The following CACNG2 variants were observed in gnomAD, a reference collection of about 807,000 sequenced individuals.
CACNG2 encodes the protein voltage-dependent calcium channel gamma-2 subunit.
A neutral mutation model predicts 25.9 loss-of-function variants in CACNG2; 3 were observed. The ratio of observed to expected loss-of-function variants is 0.12; its 90% CI spans 0.05 to 0.30. The LOEUF is 0.30. CACNG2 is among the 10% of genes least tolerant of loss of function. CACNG2 has a pLI of 1.00. For missense variants in CACNG2, 341 were observed against 432.5 expected (o/e 0.79, Z 1.88); for synonymous variants, 167 against 173.3 (o/e 0.96, Z 0.29).
intron 2 of CACNG2, among the ~76,000 whole-genome samples, chr22:36,575,991 C>T (rs1935305964): frequency 1.3e-5 from 2 of 152,238 alleles, no homozygotes; most frequent in Admixed American, 1.3e-4. Context: ...GTCTCTTGGG[C>T]ATCTCTTCCC....
At chr22:36,691,292 C>T (rs1047702349) in intron 1 of CACNG2, among the ~76,000 whole-genome samples, 1 of 77,922 alleles carries the variant, frequency 1.3e-5, no homozygotes, top group African/African-American at 4.5e-5. Context: ...GGGAAAGGGG[C>T]CTTTGGGCAG....
rs750787949 is a variant in CACNG2, at chr22:36,562,489, A to G, written c.*1862T>C. 19 of 150,896 alleles carry G rather than the reference A, an allele frequency of 1.3e-4. No homozygotes were observed. Among genetic ancestry groups the G allele is most frequent in the Non-Finnish European group, 2.5e-4 (17 of 67,720 alleles). 9.3% of individuals were successfully genotyped at this position (150,896 alleles called of 1,614,324 possible). A position where few individuals can be genotyped will look rare whatever the true frequency, so the allele number is the denominator to read the frequency against. On this transcript the variant is annotated 3_prime_UTR_variant, in exon 4 of 4. Coordinates refer to ENST00000300105, the MANE Select transcript of CACNG2 (RefSeq NM_006078.5). ...GAGTGGTGTGTGTGTGTGTGTGGGT[A>G]TGTGTGCGTGTGTGGGTATGTGTGC...
chr22:36,621,455 A>G (rs1936103617), intron 1 of CACNG2, among the ~76,000 whole-genome samples: 1 of 152,098 alleles, frequency 6.6e-6, no homozygotes, highest in South Asian at 2.1e-4. Context: ...CTATAAACTC[A>G]GCTACTCGGG....
intron 1 of CACNG2, among the ~76,000 whole-genome samples, chr22:36,672,422 T>C (rs1041012859): frequency 1.3e-5 from 2 of 152,262 alleles, no homozygotes; most frequent in South Asian, 2.1e-4. Flanking sequence ...CCTCCCAGTG[T>C]TGGGATTACA....
chr22:36,651,289 T>G (rs557223632), intron 1 of CACNG2, among the ~76,000 whole-genome samples: 6 of 143,494 alleles, frequency 4.2e-5, no homozygotes, highest in African/African-American at 1.5e-4. Flanking sequence ...AGTGTAGTGA[T>G]GCAATCTCGG....
intron 1 of CACNG2, among the ~76,000 whole-genome samples, chr22:36,646,879 T>C (rs1936533150): frequency 6.6e-6 from 1 of 152,186 alleles, no homozygotes; most frequent in African/African-American, 2.4e-5. Flanking sequence ...ATGAGCTAGG[T>C]CCTGCTCACT....
chr22:36,574,493 G>A (rs1484136782), intron 2 of CACNG2, among the ~76,000 whole-genome samples: 1 of 152,114 alleles, frequency 6.6e-6, no homozygotes, highest in African/African-American at 2.4e-5. Context: ...AGAGAGTAGG[G>A]GAGGAGCCTG....
intron 1 of CACNG2, among the ~76,000 whole-genome samples, chr22:36,616,755 A>G (rs1030676993): frequency 6.6e-6 from 1 of 152,128 alleles, no homozygotes; most frequent in Admixed American, 6.5e-5. Context: ...CTCAGGACCT[A>G]TTTGAGTCTT....
chr22:36,701,760 C>T (rs2146023810), intron 1 of CACNG2, among the ~76,000 whole-genome samples: 1 of 152,278 alleles, frequency 6.6e-6, no homozygotes, highest in East Asian at 1.9e-4. Flanking sequence ...CAGCCAGCCA[C>T]CTCGAGTGAT....
intron 1 of CACNG2, among the ~76,000 whole-genome samples, chr22:36,656,627 C>T (rs534930732): frequency 6.6e-6 from 1 of 152,182 alleles, no homozygotes; most frequent in African/African-American, 2.4e-5. Context: ...ACAGCTCCCA[C>T]GACGCTCAGA....
At chr22:36,694,275 CT>C (rs1937304557) in intron 1 of CACNG2, among the ~76,000 whole-genome samples, 1 of 152,156 alleles carries the variant, frequency 6.6e-6, no homozygotes, top group African/African-American at 2.4e-5. Context: ...ATTTGTCCCC[CT>C]CTCCCCTGAA....
intron 1 of CACNG2, among the ~76,000 whole-genome samples, chr22:36,641,576 C>G (rs1936443290): frequency 6.6e-6 from 1 of 152,332 alleles, no homozygotes; most frequent in Admixed American, 6.5e-5. Flanking sequence ...TGGAGGAAGG[C>G]AAGCCAGGGG....
intron 1 of CACNG2, among the ~76,000 whole-genome samples, chr22:36,660,601 G>A (rs187564738): frequency 6.6e-6 from 1 of 152,228 alleles, no homozygotes; most frequent in African/African-American, 2.4e-5. Flanking sequence ...CAGTGTGGTG[G>A]CCTTCCTTCC....
intron 2 of CACNG2, among the ~76,000 whole-genome samples, chr22:36,583,840 C>A (rs1036423380): frequency 6.6e-6 from 1 of 152,162 alleles, no homozygotes; most frequent in Non-Finnish European, 1.5e-5. Context: ...CTGAGGTCTC[C>A]CCCTGGTCCC....
At chr22:36,667,318 A>T (rs565634877) in intron 1 of CACNG2, among the ~76,000 whole-genome samples, 27 of 152,198 alleles carry the variant, frequency 1.8e-4, no homozygotes, top group South Asian at 6.2e-4. Flanking sequence ...TCCACCCTGG[A>T]ACTCACCACT....
intron 1 of CACNG2, among the ~76,000 whole-genome samples, chr22:36,658,654 C>T (rs557767299): frequency 6.6e-6 from 1 of 152,192 alleles, no homozygotes; most frequent in Non-Finnish European, 1.5e-5. Flanking sequence ...AGCCCTTGCC[C>T]AGGTGCTGGG....
At chr22:36,679,990 A>G (rs1201193868) in intron 1 of CACNG2, among the ~76,000 whole-genome samples, 7 of 151,818 alleles carry the variant, frequency 4.6e-5, no homozygotes, top group Non-Finnish European at 8.8e-5. Flanking sequence ...CACCATCACC[A>G]CCACCTTCAT....
At chr22:36,666,743 AG>A (rs1172433425) in intron 1 of CACNG2, among the ~76,000 whole-genome samples, 1 of 141,262 alleles carries the variant, frequency 7.1e-6, no homozygotes, top group Non-Finnish European at 1.6e-5. Context: ...CTATGAGTGG[AG>A]GCTCTTCACT....
At chr22:36,700,937 G>A (rs1937403819) in intron 1 of CACNG2, among the ~76,000 whole-genome samples, 1 of 152,156 alleles carries the variant, frequency 6.6e-6, no homozygotes, top group Non-Finnish European at 1.5e-5. Context: ...AGAATGTTGG[G>A]AGGGGGGCAT....
Sources: gnomAD v4.1 joint callset for allele counts (sites outside exome capture counted in the v4.1 genomes callset) on GRCh38, gnomAD v4.1.1 for gene constraint, MANE v1.5 for transcripts, NCBI Gene and HGNC (gene_info 2026-07-23, HGNC 2026-07-21) for gene names.